Variants in TAF5 observed in about 807,000 individuals in gnomAD.
The protein encoded by TAF5 is transcription initiation factor TFIID subunit 5.
In TAF5, 20 loss-of-function variants were observed where a neutral mutation model predicts 80.9. The observed-to-expected ratio is 0.25, with a 90% confidence interval of 0.17 to 0.36. The LOEUF is 0.36. Ranked by LOEUF, TAF5 falls within the 10% of genes least tolerant of loss-of-function variation. The probability of loss-of-function intolerance (pLI) is 1.00; values close to 1 mark genes in which losing one functional copy is unlikely to be tolerated. For missense variants in TAF5, 863 were observed against 1,029.4 expected (o/e 0.84, Z 2.21); for synonymous variants, 388 against 406.4 (o/e 0.95, Z 0.55).
In TAF5 at chr10:103,379,904, A is replaced by C; in HGVS notation, c.1298A>C (p.Lys433Thr). Residue 433 changes from lysine to threonine, a missense_variant, in exon 5 of 11, where the codon AAA becomes ACA. Around this residue, in one of 3 missense-constraint regions of TAF5, gnomAD observed 368 missense variants for 461.7 expected, o/e 0.80. Coordinates refer to ENST00000369839, the MANE Select transcript of TAF5 (RefSeq NM_006951.5). ...PQNRIPLPELKDSDKLDKIMN... is the reference protein window; with the variant it reads ...PQNRIPLPELTDSDKLDKIMN... ...CACAGAATCCCTCTTCCTGAGTTGA[A>C]AGATTCAGATAAGTTGGATAAGATA... 1 of 1,612,062 alleles carries C rather than the reference A, an allele frequency of 6.2e-7. No individual in the cohort carries two copies. Among genetic ancestry groups the C allele is most frequent in the Non-Finnish European group, 8.5e-7 (1 of 1,179,570 alleles).
In TAF5 at chr10:103,388,949, G is replaced by A. The variant is rs1218871207; in HGVS notation, c.*726G>A. 6.6e-6 allele frequency: 1 copy of A among 152,544 alleles called. No individual in the cohort carries two copies. Among genetic ancestry groups the A allele is most frequent in the Admixed American group, 6.5e-5 (1 of 15,274 alleles). 9.4% of individuals were successfully genotyped at this position (152,544 alleles called of 1,614,324 possible). On this transcript the variant is annotated 3_prime_UTR_variant, in exon 11 of 11. Transcript: ENST00000369839. ...ACCTCCAGTACTGAGCCTTGCTTTG[G>A]GAAACTAAAAGATTTAGACCAAGTC... is the stretch of plus-strand genomic sequence containing the variant.
chr10:103,372,434 A>G (rs542199593), intron 1 of TAF5, among the ~76,000 whole-genome samples: 9 of 150,364 alleles, frequency 6.0e-5, no homozygotes, highest in African/African-American at 2.2e-4. Flanking sequence ...TCCCGAGTTC[A>G]TGCCATTCTC....
rs376323180 is a variant in TAF5 at position 103,387,996 on chromosome 10, T to C, written c.2186-10T>C. Reference sequence around the variant, plus strand: ...GATGCAACTAATGGTTTCCTTTGACTTCCCCTTAGGTTCAATGGATAATAC... The same window carrying C: ...GATGCAACTAATGGTTTCCTTTGACCTCCCCTTAGGTTCAATGGATAATAC... On this transcript the variant is annotated splice_polypyrimidine_tract_variant and intron_variant, in intron 10 of 10. Transcript: ENST00000369839. 424 of 1,609,240 alleles carry C rather than the reference T, an allele frequency of 2.6e-4. No individual in the cohort carries two copies. Among genetic ancestry groups the C allele is most frequent in the Non-Finnish European group, 3.5e-4 (410 of 1,176,062 alleles).
chr10:103,384,202 T>C (rs2093390319), intron 7 of TAF5, among the ~76,000 whole-genome samples: 1 of 152,216 alleles, frequency 6.6e-6, no homozygotes, highest in Non-Finnish European at 1.5e-5. Flanking sequence ...ATTGGTTTGC[T>C]TCCCTTTAGG....
intron 1 of TAF5, among the ~76,000 whole-genome samples, chr10:103,369,289 A>G (rs776005259): frequency 1.7e-4 from 26 of 151,418 alleles, no homozygotes; most frequent in Non-Finnish European, 3.1e-4. Flanking sequence ...GCCATACAAT[A>G]TACCCTTGTA....
Position 103,378,500 on chromosome 10 carries a change from A to G in TAF5, c.1063A>G (p.Met355Val), listed in dbSNP as rs756074643. The change falls in exon 3 of 11, where the codon ATG (methionine) becomes GTG (valine). Residue 355 changes from methionine to valine, a missense_variant. Met to Val is a conservative substitution (Grantham distance 21, BLOSUM62 1). Coordinates refer to ENST00000369839, the MANE Select transcript of TAF5 (RefSeq NM_006951.5). This position sits in a 1 kb window ranked among gnomAD's most constrained non-coding sequence, Gnocchi z 4.1. ...GCGTAGTAAGCAACAGATAGATGCGATGGTGGGAAGTTTGGCAGGAGAGGC... is the reference window on the plus strand; with the variant it reads ...GCGTAGTAAGCAACAGATAGATGCGGTGGTGGGAAGTTTGGCAGGAGAGGC... The part of the protein sequence containing the change: ...MPRSKQQIDA[M>V]VGSLAGEAKR... 6.2e-7 allele frequency: 1 copy of G among 1,614,158 alleles called. No individual in the cohort carries two copies. The highest frequency in any genetic ancestry group is 1.1e-5 in the South Asian group (1 of 91,062).
chr10:103,380,061 T>C lies in TAF5; in HGVS notation c.1413+42T>C, dbSNP rs200367636. The C allele has an allele frequency of 2.5e-4, 395 of 1,588,768 alleles. 5 individuals are homozygous for C. The highest frequency in any genetic ancestry group is 2.0e-3 in the South Asian group (176 of 86,988). ...GGCGATTTCTGCCTGGAGAGTCATG[T>C]AGGATGATGATTTACCATTAAGAGA... On this transcript the variant is annotated intron_variant, in intron 5 of 10. Transcript: ENST00000369839.
intron 5 of TAF5, among the ~76,000 whole-genome samples, chr10:103,380,355 C>T (rs549143769): frequency 3.9e-5 from 6 of 152,256 alleles, no homozygotes; most frequent in African/African-American, 1.4e-4. Context: ...GTCTCGATCT[C>T]CTGACCTTGT....
chr10:103,384,405 C>T (rs1382287241), intron 7 of TAF5, among the ~76,000 whole-genome samples: 2 of 152,138 alleles, frequency 1.3e-5, no homozygotes, highest in African/African-American at 2.4e-5. Flanking sequence ...CCAAGACAGG[C>T]GCATCACCTG....
At position 103,378,125 on chromosome 10, in the gene TAF5, T is replaced by C; in HGVS notation, c.798-110T>C. 1 of 895,654 alleles carries C rather than the reference T, an allele frequency of 1.1e-6. No individual in the cohort carries two copies. The highest frequency in any genetic ancestry group is 1.7e-6 in the Non-Finnish European group (1 of 592,454). 55.5% of individuals were successfully genotyped at this position (895,654 alleles called of 1,614,324 possible). A position where few individuals can be genotyped will look rare whatever the true frequency, so the allele number is the denominator to read the frequency against. On this transcript the variant is annotated intron_variant, in intron 2 of 10. Coordinates refer to ENST00000369839, the MANE Select transcript of TAF5 (RefSeq NM_006951.5). This position sits in a 1 kb window ranked among gnomAD's most constrained non-coding sequence, Gnocchi z 4.1. ...TATCCTACAGCTTAGTTCAGGATTATTTAGACTACTACATTGAAAATATTC... is the reference window on the plus strand; with the variant it reads ...TATCCTACAGCTTAGTTCAGGATTACTTAGACTACTACATTGAAAATATTC...
chr10:103,388,138 AT>A lies in TAF5; in HGVS notation c.2319del (p.Tyr773Ter). The A allele has an allele frequency of 6.2e-7, 1 of 1,614,128 alleles. No homozygotes were observed. Among genetic ancestry groups the A allele is most frequent in the Non-Finnish European group, 8.5e-7 (1 of 1,179,988 alleles). Reference sequence around the variant, plus strand: ...TCACAGGAGTTATTGTTGGGAACATATATGACCAAATCAACACCAGTTGTAC... The same window carrying A: ...TCACAGGAGTTATTGTTGGGAACATAATGACCAAATCAACACCAGTTGTAC... ...ENSQELLLGT[Y>X]MTKSTPVVHL... On this transcript the variant is annotated frameshift_variant, in exon 11 of 11. Transcript: ENST00000369839. LOFTEE classifies it high-confidence loss of function.
Position 103,388,298 on chromosome 10 carries a change from AAT to A in TAF5, c.*78_*79del, listed in dbSNP as rs1380953854. ...ACTAAAAGCAAATACCTCAGTGATT[AAT>A]ATTTAAGCTACAGAGAATGTTTTTG... On this transcript the variant is annotated 3_prime_UTR_variant, in exon 11 of 11. Transcript: ENST00000369839. 8.0e-7 allele frequency: 1 copy of A among 1,248,522 alleles called. No individual in the cohort carries two copies. Among genetic ancestry groups the A allele is most frequent in the East Asian group, 2.3e-5 (1 of 42,800 alleles). The allele number at this position is 1,248,522 out of a possible 1,614,324, so 77.3% of individuals were successfully genotyped here.
Position 103,385,450 on chromosome 10 carries a change from G to A in TAF5, c.1789G>A (p.Gly597Arg). The A allele has an allele frequency of 6.2e-7, 1 of 1,614,008 alleles. No individual in the cohort carries two copies. The highest frequency in any genetic ancestry group is 8.5e-7 in the Non-Finnish European group (1 of 1,179,998). The change falls in exon 8 of 11, where the codon GGA (glycine) becomes AGA (arginine). Residue 597 changes from glycine (G) to arginine (R), a missense_variant. Around this residue, in one of 3 missense-constraint regions of TAF5, gnomAD observed 368 missense variants for 461.7 expected, o/e 0.80. Transcript: ENST00000369839. ...PVWDTQFSPY[G>R]YYFVSGGHDR... ...ATGGGACACACAATTTTCTCCATAT[G>A]GATATTATTTTGTGTCAGGGGGCCA...
At chr10:103,373,276 C>T (rs2093363762) in intron 1 of TAF5, 82 bp from the exon 2 acceptor site, 1 of 1,056,450 alleles carries the variant, frequency 9.5e-7, no homozygotes, top group Non-Finnish European at 1.4e-6. Flanking sequence ...AGAAACAACT[C>T]ACCTGTGGGC....
At chr10:103,385,241 T>G in intron 7 of TAF5, 85 bp from the exon 8 acceptor site, 1 of 1,048,902 alleles carries the variant, frequency 9.5e-7, no homozygotes, top group South Asian at 1.7e-5. Flanking sequence ...ATATAAAATA[T>G]TAAATGTATT....
chr10:103,385,383 A>G lies in TAF5; in HGVS notation c.1722A>G (p.Thr574=). Residue 574 remains threonine (T), a synonymous_variant, in exon 8 of 11, where the codon ACA becomes ACG. Coordinates refer to ENST00000369839, the MANE Select transcript of TAF5 (RefSeq NM_006951.5). ...CTGTTAGATTGTGGAGCCTTCAAAC[A>G]TTTACTTGTTTGGTGGGATATAAAG... The part of the protein sequence containing the change: ...DGTVRLWSLQ[T]FTCLVGYKGH... 6.2e-7 allele frequency: 1 copy of G among 1,613,866 alleles called. No individual in the cohort carries two copies. Among genetic ancestry groups the G allele is most frequent in the East Asian group, 2.2e-5 (1 of 44,868 alleles).
chr10:103,382,928 GT>G (rs2093386404), intron 6 of TAF5, among the ~76,000 whole-genome samples: 1 of 152,200 alleles, frequency 6.6e-6, no homozygotes, highest in Admixed American at 6.5e-5. Flanking sequence ...GACTACAGGT[GT>G]GAGCCACCAT....
At chr10:103,375,749 G>A (rs2093368807) in intron 2 of TAF5, among the ~76,000 whole-genome samples, 1 of 152,072 alleles carries the variant, frequency 6.6e-6, no homozygotes, top group Admixed American at 6.6e-5. Context: ...TAGAAGCCAA[G>A]GGAAAGGAGT....
At position 103,373,520 on chromosome 10, in the gene TAF5, A is replaced by G. The variant is rs1260822791; in HGVS notation, c.722A>G (p.Tyr241Cys). ...CGGGCAGAGTTGTCCCAACTTTTTT[A>G]TCCTCTGTTTGTGCACATGTACTTG... ...CHRAELSQLFYPLFVHMYLEL... is the reference protein window; with the variant it reads ...CHRAELSQLFCPLFVHMYLEL... Residue 241 changes from tyrosine (Y) to cysteine (C), a missense_variant, in exon 2 of 11, where the codon TAT becomes TGT. This residue lies in a region of TAF5 where 128 missense variants were observed against 232.2 expected (regional missense o/e 0.55). Transcript: ENST00000369839. 9 of 1,614,060 alleles carry G rather than the reference A, an allele frequency of 5.6e-6. No homozygotes were observed. Among genetic ancestry groups the G allele is most frequent in the Non-Finnish European group, 5.1e-6 (6 of 1,180,030 alleles).
Sources: allele counts gnomAD v4.1 joint callset (sites outside exome capture counted in the v4.1 genomes callset), GRCh38; gene constraint gnomAD v4.1.1; regional missense constraint gnomAD v4.1.1; non-coding constraint Gnocchi (gnomAD v3.1); transcripts MANE v1.5; gene names NCBI Gene and HGNC (gene_info 2026-07-23, HGNC 2026-07-21).